The following SPRYD7 variants were observed in gnomAD, a reference collection of about 807,000 sequenced individuals.
The protein encoded by SPRYD7 is SPRY domain containing 7, also known as SPRY domain-containing protein 7.
SPRYD7 carries 14 observed loss-of-function variants against 23.8 expected under a neutral mutation model. The observed-to-expected ratio is 0.59, with a 90% confidence interval of 0.39 to 0.92. SPRYD7 has a LOEUF of 0.92. Among genes scored for constraint, SPRYD7 ranks in the 40% least tolerant of loss-of-function variants. SPRYD7 has a pLI of 0.00. For missense variants in SPRYD7, 194 were observed against 241.7 expected (o/e 0.80, Z 1.31); for synonymous variants, 75 against 84.9 (o/e 0.88, Z 0.64).
chr13:49,924,116 G>C (rs1459985876), intron 3 of SPRYD7, among the ~76,000 whole-genome samples: 5 of 151,888 alleles, frequency 3.3e-5, no homozygotes, highest in African/African-American at 1.2e-4. Flanking sequence ...CCGAGTAGCT[G>C]GGATTACAGG....
rs543119766 is a variant in SPRYD7 at position 49,925,087 on chromosome 13, G to C, written c.390+2832C>G. 4.6e-5 allele frequency among the ~76,000 whole-genome samples: 7 copies of C among 151,818 alleles called. No individual in the cohort carries two copies. In the East Asian group the frequency reaches 1.4e-3, roughly 30 times the overall value. On this transcript the variant is annotated intron_variant, in intron 3 of 4. Transcript: ENST00000361840. ...ATTTAATCCTTGCCAGGCACTTAGA[G>C]CAGTGCCCATAATAAATGCTTAGGT...
At chr13:49,928,234 G>T in intron 2 of SPRYD7, 149 bp from the exon 3 acceptor site, 1 of 713,574 alleles carries the variant, frequency 1.4e-6, no homozygotes, top group Non-Finnish European at 2.2e-6. Flanking sequence ...TCTTTTAGAA[G>T]TAGTTTGCAC....
At chr13:49,929,731 G>A (rs964377292) in intron 2 of SPRYD7, among the ~76,000 whole-genome samples, 2 of 151,316 alleles carry the variant, frequency 1.3e-5, no homozygotes, top group South Asian at 2.1e-4. Flanking sequence ...GCCTGACCTC[G>A]TGATCCACCC....
intron 3 of SPRYD7, among the ~76,000 whole-genome samples, chr13:49,924,990 AAATAAAT>A (rs1955864312): frequency 7.6e-6 from 1 of 131,598 alleles, no homozygotes; most frequent in Admixed American, 7.6e-5. Context: ...AAAAAAAAAT[AAATAAAT>A]AATAATAATA....
rs1161240932 is a variant in SPRYD7, at chr13:49,930,085, C to T, written c.223+933G>A. ...GATTACAGGTGTGAGCCACTATGCC[C>T]GATCACTTTACAGTAAAGCTTTTAT... is the stretch of plus-strand genomic sequence containing the variant. On this transcript the variant is annotated intron_variant, in intron 2 of 4. Transcript: ENST00000361840. 3.3e-5 allele frequency among the ~76,000 whole-genome samples: 5 copies of T among 152,154 alleles called. No homozygotes were observed. In the East Asian group the frequency reaches 7.7e-4, roughly 24 times the overall value.
chr13:49,936,006 T>A, intron 1 of SPRYD7, 124 bp downstream of exon 1: 2 of 535,832 alleles, frequency 3.7e-6, no homozygotes, highest in Non-Finnish European at 6.2e-6. Flanking sequence ...CGAGACGAAA[T>A]GGTGTCGGCG....
chr13:49,917,471 G>GT (rs1955765912), intron 4 of SPRYD7, among the ~76,000 whole-genome samples: 1 of 152,130 alleles, frequency 6.6e-6, no homozygotes, highest in African/African-American at 2.4e-5. Flanking sequence ...CAGGCTGAGT[G>GT]TAAGAAGAGA....
Position 49,927,909 on chromosome 13 carries a change from G to A in SPRYD7, c.390+10C>T, listed in dbSNP as rs776014867. 1.9e-6 allele frequency: 3 copies of A among 1,613,754 alleles called. No individual in the cohort carries two copies. The African/African-American group carries it at 4.0e-5, about 22-fold the overall frequency. ...TTTACAGTGGAAAGCAACTCCATGAGGGAACTCACCACCACATCTCCTTCC... is the reference window on the plus strand; with the variant it reads ...TTTACAGTGGAAAGCAACTCCATGAAGGAACTCACCACCACATCTCCTTCC... On this transcript the variant is annotated intron_variant, in intron 3 of 4. Transcript: ENST00000361840.
chr13:49,920,985 A>G (rs1266076595), intron 4 of SPRYD7, among the ~76,000 whole-genome samples: 1 of 152,086 alleles, frequency 6.6e-6, no homozygotes, highest in Non-Finnish European at 1.5e-5. Flanking sequence ...TAAATAAAAT[A>G]AAAAGGTCCT....
intron 2 of SPRYD7, among the ~76,000 whole-genome samples, chr13:49,929,610 C>T (rs1038803799): frequency 1.3e-5 from 2 of 152,080 alleles, no homozygotes; most frequent in Non-Finnish European, 2.9e-5. Flanking sequence ...ATTCTCCTGC[C>T]TCAGCCTCCC....
intron 1 of SPRYD7, among the ~76,000 whole-genome samples, chr13:49,931,686 T>C (rs1871382465): frequency 1.3e-5 from 2 of 152,314 alleles, no homozygotes; most frequent in African/African-American, 2.4e-5. Flanking sequence ...CAGTGGTTCG[T>C]ACCTGTAATC....
At chr13:49,935,867 A>T in intron 1 of SPRYD7, 1 of 273,100 alleles carries the variant, frequency 3.7e-6, no homozygotes, top group Non-Finnish European at 6.9e-6. Flanking sequence ...CTCCGGAGGA[A>T]GCCTCCGAGA....
At chr13:49,915,384 T>A (rs1380725728) in intron 4 of SPRYD7, among the ~76,000 whole-genome samples, 2 of 152,184 alleles carry the variant, frequency 1.3e-5, no homozygotes, top group African/African-American at 2.4e-5. Flanking sequence ...AGGATATATA[T>A]AAAAATATTA....
At chr13:49,923,984 CTTT>C (rs1288975552) in intron 3 of SPRYD7, among the ~76,000 whole-genome samples, 8 of 135,342 alleles carry the variant, frequency 5.9e-5, no homozygotes, top group Admixed American at 7.4e-5. Context: ...GAGACAAGGT[CTTT>C]TTTTTTTTTT....
At chr13:49,934,813 A>G (rs1436138282) in intron 1 of SPRYD7, among the ~76,000 whole-genome samples, 1 of 152,198 alleles carries the variant, frequency 6.6e-6, no homozygotes, top group Non-Finnish European at 1.5e-5. Flanking sequence ...GAAGTGCTGC[A>G]GTTGATCATG....
In SPRYD7 at chr13:49,914,268, T is replaced by C. The variant is rs903516362; in HGVS notation, c.*795A>G. 7 of 153,772 alleles carry C rather than the reference T, an allele frequency of 4.6e-5. No homozygotes were observed. The highest frequency in any genetic ancestry group is 1.7e-4 in the African/African-American group (7 of 41,458). The allele number at this position is 153,772 out of a possible 1,614,324, so 9.5% of individuals were successfully genotyped here. A position where few individuals can be genotyped will look rare whatever the true frequency, so the allele number is the denominator to read the frequency against. ...TAGGAAGAATGTGTTTAATATAGTA[T>C]GGTATATTCCTTAATTACAATTATT... is the stretch of plus-strand genomic sequence containing the variant. On this transcript the variant is annotated 3_prime_UTR_variant, in exon 5 of 5. Transcript: ENST00000361840.
intron 2 of SPRYD7, among the ~76,000 whole-genome samples, chr13:49,929,832 C>T (rs1955927409): frequency 6.6e-6 from 1 of 151,374 alleles, no homozygotes. Flanking sequence ...CTCTGTTGCC[C>T]AGGCTGCAGT....
At chr13:49,922,228 C>T (rs9591313) in intron 3 of SPRYD7, among the ~76,000 whole-genome samples, 1 of 150,698 alleles carries the variant, frequency 6.6e-6, no homozygotes, top group Non-Finnish European at 1.5e-5. Context: ...ACTCGGTACA[C>T]TATTGATGGA....
chr13:49,918,686 T>C (rs973828463), intron 4 of SPRYD7, among the ~76,000 whole-genome samples: 1 of 151,680 alleles, frequency 6.6e-6, no homozygotes, highest in African/African-American at 2.4e-5. Context: ...CCTAATTAGT[T>C]ATTTTTCTTT....
Sources: allele counts gnomAD v4.1 joint callset (sites outside exome capture counted in the v4.1 genomes callset), GRCh38; gene constraint gnomAD v4.1.1; transcripts MANE v1.5; gene names NCBI Gene and HGNC (gene_info 2026-07-23, HGNC 2026-07-21).